Variants in ATRNL1 observed in about 807,000 individuals in gnomAD.
ATRNL1 encodes attractin-like protein 1.
A neutral mutation model predicts 182.7 loss-of-function variants in ATRNL1; 95 were observed. The observed-to-expected ratio is 0.52, with a 90% CI of 0.44 to 0.62. The LOEUF (loss-of-function observed/expected upper bound fraction) is 0.62, where lower values mean the gene tolerates loss of function less well. Ranked by LOEUF, ATRNL1 falls within the 20% of genes least tolerant of loss-of-function variation. The pLI is 0.00. For synonymous variants in ATRNL1, 576 were observed against 568.3 expected (o/e 1.01, Z -0.19); for missense variants, 1,471 against 1,679.5 (o/e 0.88, Z 2.17).
intron 22 of ATRNL1, among the ~76,000 whole-genome samples, chr10:115,464,250 T>G (rs1447522225): frequency 6.6e-6 from 1 of 152,008 alleles, no homozygotes; most frequent in Admixed American, 6.6e-5. Context: ...ATCTCTGAAA[T>G]TATTATGTAT....
chr10:115,632,415 G>T (rs1242771075), intron 26 of ATRNL1, among the ~76,000 whole-genome samples: 5 of 152,040 alleles, frequency 3.3e-5, no homozygotes, highest in African/African-American at 4.8e-5. Flanking sequence ...TAATCAAGTT[G>T]GTTATAAATA....
intron 20 of ATRNL1, among the ~76,000 whole-genome samples, chr10:115,417,029 G>A (rs1565019763): frequency 6.6e-6 from 1 of 152,214 alleles, no homozygotes; most frequent in Admixed American, 6.5e-5. Context: ...GTAGGAGGGT[G>A]TGAAAGCCCA....
chr10:115,670,531 A>G (rs1945662927), intron 26 of ATRNL1, among the ~76,000 whole-genome samples: 1 of 152,160 alleles, frequency 6.6e-6, no homozygotes, highest in African/African-American at 2.4e-5. Context: ...TAATGTCTCT[A>G]GTCTTAAAGA....
At chr10:115,394,903 G>T in intron 20 of ATRNL1, 151 bp downstream of exon 20, 1 of 630,566 alleles carries the variant, frequency 1.6e-6, no homozygotes, top group Non-Finnish European at 2.7e-6. Context: ...GGGTACATGT[G>T]CAGGTTTTTA....
chr10:115,274,140 A>G (rs1253884621), intron 13 of ATRNL1, among the ~76,000 whole-genome samples: 6 of 152,230 alleles, frequency 3.9e-5, no homozygotes, highest in Non-Finnish European at 7.3e-5. Context: ...CAAAGGCTCC[A>G]AACAGCATCC....
At chr10:115,613,831 G>T (rs1410660653) in intron 26 of ATRNL1, among the ~76,000 whole-genome samples, 1 of 151,638 alleles carries the variant, frequency 6.6e-6, no homozygotes, top group Non-Finnish European at 1.5e-5. Flanking sequence ...TTTTCTAAAT[G>T]GTCTTTTTGC....
chr10:115,750,082 T>C (rs1348466964), intron 27 of ATRNL1, among the ~76,000 whole-genome samples: 4 of 151,836 alleles, frequency 2.6e-5, no homozygotes, highest in African/African-American at 9.7e-5. Context: ...ATCTTCAATA[T>C]GCAAGGAGCA....
rs527424391 is a variant in ATRNL1, at chr10:115,564,143, C to T, written c.3795+14607C>T. The stretch of plus-strand genomic sequence containing the variant: ...GTCTAATTTAGTTTATTGTCATTCA[C>T]TGAAATGATTCATGTACTTTAATTG... On this transcript the variant is annotated intron_variant, in intron 26 of 28. Coordinates refer to ENST00000355044, the MANE Select transcript of ATRNL1 (RefSeq NM_207303.4). Among the ~76,000 whole-genome samples, 17 of 152,052 alleles carry T rather than the reference C, an allele frequency of 1.1e-4. No individual in the cohort carries two copies. In the South Asian group the frequency reaches 3.5e-3, roughly 32 times the overall value.
chr10:115,707,869 A>G (rs1260412579), intron 26 of ATRNL1, among the ~76,000 whole-genome samples: 1 of 151,686 alleles, frequency 6.6e-6, no homozygotes, highest in African/African-American at 2.4e-5. Flanking sequence ...TTACTAGGTC[A>G]GAGGATATGT....
chr10:115,364,715 A>C (rs1270804983), intron 19 of ATRNL1, among the ~76,000 whole-genome samples: 7 of 151,818 alleles, frequency 4.6e-5, no homozygotes, highest in African/African-American at 7.3e-5. Context: ...ATTTATTGAG[A>C]GTTTTTATCA....
intron 27 of ATRNL1, among the ~76,000 whole-genome samples, chr10:115,816,149 G>A (rs1950159710): frequency 6.6e-6 from 1 of 152,140 alleles, no homozygotes; most frequent in African/African-American, 2.4e-5. Flanking sequence ...GTTAATCACT[G>A]CACATCTAGC....
intron 8 of ATRNL1, among the ~76,000 whole-genome samples, chr10:115,172,755 C>A (rs78690013): frequency 6.6e-6 from 1 of 151,746 alleles, no homozygotes; most frequent in African/African-American, 2.4e-5. Context: ...ATATTTCTAA[C>A]CCTACCTTTT....
At chr10:115,104,854 T>C (rs975715684) in intron 1 of ATRNL1, among the ~76,000 whole-genome samples, 6 of 152,126 alleles carry the variant, frequency 3.9e-5, no homozygotes, top group African/African-American at 1.4e-4. Flanking sequence ...GAGTTCACTG[T>C]AAGTATGGAT....
At chr10:115,482,004 A>G (rs548409510) in intron 24 of ATRNL1, among the ~76,000 whole-genome samples, 1 of 151,132 alleles carries the variant, frequency 6.6e-6, no homozygotes, top group East Asian at 1.9e-4. Flanking sequence ...GATACCTTTA[A>G]GAATTCATCA....
rs782160407 is a variant in ATRNL1, at chr10:115,121,803, C to A, written c.482C>A (p.Ala161Asp). 1.4e-6 allele frequency: 2 copies of A among 1,472,126 alleles called. No homozygotes were observed. Among genetic ancestry groups the A allele is most frequent in the Non-Finnish European group, 1.9e-6 (2 of 1,073,184 alleles). The allele number at this position is 1,472,126 out of a possible 1,614,324, so 91.2% of individuals were successfully genotyped here. A position where few individuals can be genotyped will look rare whatever the true frequency, so the allele number is the denominator to read the frequency against. ...DGDSIYAPLI[A>D]VLSGLIVPEI... ...GATTCAATATATGCACCTTTAATAG[C>A]TGTACTTAGGTGAGTAATTATATTT... Residue 161 changes from alanine (A) to aspartate (D), a missense_variant, in exon 3 of 29, where the codon GCT (alanine) becomes GAT (aspartate). By Grantham distance (126) the Ala-to-Asp change is moderately radical. Transcript: ENST00000355044.
chr10:115,390,587 T>A (rs1377100092), intron 19 of ATRNL1, among the ~76,000 whole-genome samples: 5 of 152,140 alleles, frequency 3.3e-5, no homozygotes, highest in African/African-American at 7.2e-5. Context: ...TTAATATAGG[T>A]TTGTAGTATA....
chr10:115,334,400 C>T lies in ATRNL1; in HGVS notation c.3156C>T (p.Thr1052=). 6.3e-7 allele frequency: 1 copy of T among 1,595,486 alleles called. No individual in the cohort carries two copies. Among genetic ancestry groups the T allele is most frequent in the Non-Finnish European group, 8.6e-7 (1 of 1,168,416 alleles). Residue 1052 remains threonine (T), a synonymous_variant, in exon 19 of 29, where the codon ACC becomes ACT. Coordinates refer to ENST00000355044, the MANE Select transcript of ATRNL1 (RefSeq NM_207303.4). ...TGCCAGGTTATTATGGAGATCCAAC[C>T]AATGGTGGACAGTGCACAGGTAAGT... is the stretch of plus-strand genomic sequence containing the variant. ...DCMPGYYGDP[T]NGGQCTACTC...
intron 26 of ATRNL1, among the ~76,000 whole-genome samples, chr10:115,655,330 A>G (rs1860263775): frequency 6.6e-6 from 1 of 152,230 alleles, no homozygotes; most frequent in Admixed American, 6.5e-5. Flanking sequence ...GTACATATAA[A>G]GAGTGGATTG....
intron 26 of ATRNL1, among the ~76,000 whole-genome samples, chr10:115,587,085 T>C (rs61882988): frequency 0.46 from 65,979 of 143,256 alleles, 16,762 homozygotes; most frequent in East Asian, 0.83. Flanking sequence ...GGGTCAGGGA[T>C]TCACTTGAGG....
Sources: gnomAD v4.1 joint callset for allele counts (sites outside exome capture counted in the v4.1 genomes callset) on GRCh38, gnomAD v4.1.1 for gene constraint, MANE v1.5 for transcripts, NCBI Gene and HGNC (gene_info 2026-07-23, HGNC 2026-07-21) for gene names.